DPP10: variants seen among roughly 807,000 people sequenced by gnomAD.
The protein encoded by DPP10 is dipeptidyl peptidase like 10.
In DPP10, 33 loss-of-function variants were observed where a neutral mutation model predicts 120.9. That is an observed-to-expected ratio of 0.27 (90% CI 0.21 to 0.37). The LOEUF is 0.37. Ranked by LOEUF, DPP10 falls within the 10% of genes least tolerant of loss-of-function variation. The pLI is 1.00. For missense variants in DPP10, 816 were observed against 942.8 expected, an observed-to-expected ratio of 0.87 and a Z score of 1.76; for synonymous variants, 337 against 326.1, an observed-to-expected ratio of 1.03 and a Z score of -0.36.
chr2:115,001,038 C>T (rs968401968), intron 1 of DPP10, among the ~76,000 whole-genome samples: 1 of 152,136 alleles, frequency 6.6e-6, no homozygotes, highest in Non-Finnish European at 1.5e-5. Flanking sequence ...AAATGTAGAA[C>T]CTATCAAATA....
At chr2:115,182,988 T>C (rs2054177879) in intron 1 of DPP10, among the ~76,000 whole-genome samples, 1 of 150,034 alleles carries the variant, frequency 6.7e-6, no homozygotes, top group African/African-American at 2.4e-5. Flanking sequence ...GGACTCCTTT[T>C]TGGAAACATG....
intron 5 of DPP10, among the ~76,000 whole-genome samples, chr2:115,595,402 T>G (rs1019216626): frequency 3.3e-5 from 5 of 152,092 alleles, no homozygotes; most frequent in African/African-American, 1.2e-4. Context: ...ATGAACAAAC[T>G]CATCCAATCT....
chr2:115,324,385 C>A (rs927651194), intron 2 of DPP10, among the ~76,000 whole-genome samples: 2 of 152,194 alleles, frequency 1.3e-5, no homozygotes, highest in Non-Finnish European at 2.9e-5. Flanking sequence ...CTAGCTACAT[C>A]TTCTTGATAA....
chr2:115,104,336 C>T (rs905112938), intron 1 of DPP10, among the ~76,000 whole-genome samples: 2 of 151,984 alleles, frequency 1.3e-5, no homozygotes, highest in Admixed American at 6.6e-5. Flanking sequence ...GCTGCCACCA[C>T]ACCTGGCTAT....
intron 1 of DPP10, among the ~76,000 whole-genome samples, chr2:114,876,996 A>C (rs577375980): frequency 6.6e-6 from 1 of 152,060 alleles, no homozygotes; most frequent in East Asian, 1.9e-4. Context: ...AAGTTTTAAA[A>C]AATGTTAAAT....
At position 115,426,801 on chromosome 2, in the gene DPP10, A is replaced by G. The variant is rs181416566; in HGVS notation, c.272-72709A>G. On this transcript the variant is annotated intron_variant, in intron 3 of 25. Transcript: ENST00000410059. ...TATGCTTCTCACATTGTTAAATACA[A>G]TCATGCCTTCCCAATAGTCCCCCAA... Among the ~76,000 whole-genome samples the G allele has an allele frequency of 2.7e-4, 41 of 152,344 alleles. No individual in the cohort carries two copies. In the East Asian group the frequency reaches 7.7e-3, roughly 29 times the overall value.
intron 19 of DPP10, 184 bp from the exon 20 acceptor site, chr2:115,814,609 A>G: frequency 2.4e-6 from 1 of 425,378 alleles, no homozygotes; most frequent in Non-Finnish European, 4.0e-6. Flanking sequence ...CAGTTTTACA[A>G]AGGAAAATAC....
chr2:114,626,817 T>C (rs1694549427), intron 1 of DPP10, among the ~76,000 whole-genome samples: 1 of 152,152 alleles, frequency 6.6e-6, no homozygotes, highest in African/African-American at 2.4e-5. Flanking sequence ...AAATTTTGCG[T>C]GTGATTTACG....
At chr2:114,593,871 G>C (rs780325123) in intron 1 of DPP10, among the ~76,000 whole-genome samples, 1 of 152,104 alleles carries the variant, frequency 6.6e-6, no homozygotes, top group South Asian at 2.1e-4. Context: ...ATCAGCCTAG[G>C]ACACCCAAAG....
intron 1 of DPP10, among the ~76,000 whole-genome samples, chr2:114,965,397 A>G (rs1698936008): frequency 6.6e-6 from 1 of 152,062 alleles, no homozygotes; most frequent in Non-Finnish European, 1.5e-5. Flanking sequence ...TTGGCCTCCC[A>G]AAGAGCTGGA....
At chr2:115,340,372 A>C (rs2063384493) in intron 2 of DPP10, among the ~76,000 whole-genome samples, 1 of 152,104 alleles carries the variant, frequency 6.6e-6, no homozygotes, top group South Asian at 2.1e-4. Context: ...GACTTATATA[A>C]AAAATCAAAG....
intron 1 of DPP10, among the ~76,000 whole-genome samples, chr2:115,073,741 A>G (rs1472418550): frequency 6.6e-6 from 1 of 152,236 alleles, no homozygotes; most frequent in African/African-American, 2.4e-5. Flanking sequence ...TATAAAGTAG[A>G]GTGATTAAAA....
intron 2 of DPP10, among the ~76,000 whole-genome samples, chr2:115,336,321 C>T (rs2063126860): frequency 6.6e-6 from 1 of 151,944 alleles, no homozygotes; most frequent in Non-Finnish European, 1.5e-5. Context: ...TCTGTTGCCA[C>T]ATTCATATTG....
At chr2:114,881,798 T>C (rs1691668120) in intron 1 of DPP10, among the ~76,000 whole-genome samples, 3 of 152,160 alleles carry the variant, frequency 2.0e-5, no homozygotes, top group African/African-American at 7.2e-5. Context: ...GTTTTTCTAA[T>C]GTCACAGTTG....
chr2:115,712,540 TTAAATA>T (rs540192332), intron 7 of DPP10, among the ~76,000 whole-genome samples: 5,412 of 18,068 alleles, frequency 0.3, 1,292 homozygotes, highest in Admixed American at 0.62. Context: ...GAGTCCTGAA[TTAAATA>T]TATATATATA....
chr2:115,585,016 T>C (rs1308832698), intron 5 of DPP10, among the ~76,000 whole-genome samples: 1 of 152,224 alleles, frequency 6.6e-6, no homozygotes, highest in Non-Finnish European at 1.5e-5. Context: ...TGTGTCCCAT[T>C]GGCCATAATT....
intron 1 of DPP10, among the ~76,000 whole-genome samples, chr2:114,561,101 G>A (rs941444406): frequency 1.6e-4 from 24 of 152,022 alleles, no homozygotes; most frequent in African/African-American, 5.6e-4. Context: ...AGCTCCGTCC[G>A]CTCCTTTAGT....
At chr2:115,007,193 G>A (rs1241478323) in intron 1 of DPP10, among the ~76,000 whole-genome samples, 9 of 152,094 alleles carry the variant, frequency 5.9e-5, no homozygotes, top group East Asian at 1.9e-4. Context: ...CTGGCAAACC[G>A]AATCCAGCAG....
intron 1 of DPP10, among the ~76,000 whole-genome samples, chr2:114,735,488 C>G (rs898005026): frequency 2.0e-5 from 3 of 152,138 alleles, no homozygotes; most frequent in Admixed American, 1.3e-4. Flanking sequence ...TTCTCTGTTT[C>G]AAGAGCTAAT....
Sources: allele counts gnomAD v4.1 joint callset (sites outside exome capture counted in the v4.1 genomes callset), GRCh38; gene constraint gnomAD v4.1.1; transcripts MANE v1.5; gene names NCBI Gene and HGNC (gene_info 2026-07-23, HGNC 2026-07-21).